Variants in THBS4 observed in about 807,000 individuals in gnomAD.
THBS4 encodes thrombospondin 4.
Under a neutral mutation model 115.7 loss-of-function variants are expected in THBS4, and 90 were observed. The ratio of observed to expected loss-of-function variants is 0.78; its 90% CI spans 0.66 to 0.93. The LOEUF (loss-of-function observed/expected upper bound fraction) is 0.93. Ranked by LOEUF, THBS4 falls within the 40% of genes least tolerant of loss-of-function variation. The pLI is 0.00. For synonymous variants in THBS4, 460 were observed against 479.3 expected (o/e 0.96, Z 0.53); for missense variants, 1,087 against 1,232.7 (o/e 0.88, Z 1.77).
At position 80,068,037 on chromosome 5, in the gene THBS4, C is replaced by T. The variant is rs17882372; in HGVS notation, c.1259C>T (p.Ala420Val). 23,172 of 1,614,128 alleles carry T rather than the reference C, an allele frequency of 0.014. 176 individuals carry two copies. Among genetic ancestry groups the T allele is most frequent in the Non-Finnish European group, 0.018 (20,934 of 1,180,026 alleles). Residue 420 changes from alanine to valine, a missense_variant, in exon 10 of 22, where the codon GCG (alanine) becomes GTG (valine). By Grantham distance (64) the Ala-to-Val change is moderately conservative. This residue lies in a region of THBS4 where 979 missense variants were observed against 1,103.7 expected (regional missense o/e 0.89). Transcript: ENST00000350881. Reference protein sequence around the residue: ...YTGDQIRGCKAERNCRNPELN... With the variant: ...YTGDQIRGCKVERNCRNPELN... ...GGTGATCAGATAAGGGGATGCAAAG[C>T]GGAAAGAAACTGCAGAAACCCAGAG...
intron 1 of THBS4, among the ~76,000 whole-genome samples, chr5:79,992,787 T>C (rs2151146137): frequency 6.6e-6 from 1 of 152,270 alleles, no homozygotes; most frequent in African/African-American, 2.4e-5. Context: ...ATAAGCAAAA[T>C]ACTACAGAAA....
chr5:80,073,758 G>A (rs911907254), intron 15 of THBS4, among the ~76,000 whole-genome samples: 3 of 152,124 alleles, frequency 2.0e-5, no homozygotes, highest in South Asian at 2.1e-4. Context: ...TGAGCTGCTG[G>A]TGGGATAATA....
At chr5:80,070,123 T>TC (rs369899235) in intron 10 of THBS4, among the ~76,000 whole-genome samples, 183 bp from the exon 11 acceptor site, 1 of 151,598 alleles carries the variant, frequency 6.6e-6, no homozygotes, top group Non-Finnish European at 1.5e-5. Context: ...CTTTATATCT[T>TC]TGAATAGTGA....
intron 13 of THBS4, 32 bp downstream of exon 13, chr5:80,071,212 G>A: frequency 6.4e-7 from 1 of 1,554,390 alleles, no homozygotes; most frequent in Non-Finnish European, 8.6e-7. Context: ...CTTTTATTTG[G>A]AATTCAGTTG....
intron 2 of THBS4, among the ~76,000 whole-genome samples, chr5:80,020,660 C>T (rs1832352851): frequency 6.6e-6 from 1 of 152,112 alleles, no homozygotes; most frequent in African/African-American, 2.4e-5. Flanking sequence ...TAGCAGCAGG[C>T]AGCTGAATGA....
chr5:80,060,129 A>G (rs944846216), intron 7 of THBS4, among the ~76,000 whole-genome samples: 1 of 152,136 alleles, frequency 6.6e-6, no homozygotes, highest in Non-Finnish European at 1.5e-5. Flanking sequence ...CAACTCTTCT[A>G]CTGGTCCATT....
intron 9 of THBS4, 33 bp downstream of exon 9, chr5:80,065,510 C>T: frequency 6.3e-7 from 1 of 1,590,216 alleles, no homozygotes; most frequent in Non-Finnish European, 8.6e-7. Flanking sequence ...GTTATCAAAG[C>T]AGAACCGGTT....
At chr5:80,073,389 T>G in intron 15 of THBS4, 62 bp downstream of exon 15, 22 of 1,440,092 alleles carry the variant, frequency 1.5e-5, no homozygotes, top group Non-Finnish European at 2.0e-5. Context: ...GTTTTTGGTT[T>G]GTTTTTTTTT....
In THBS4 at chr5:79,991,415, A is replaced by G. The variant is rs1410568990; in HGVS notation, n.81+3A>G. The G allele has an allele frequency of 5.3e-6, 3 of 566,700 alleles. No homozygotes were observed. In the East Asian group the frequency reaches 9.0e-5, roughly 17 times the overall value. The allele number at this position is 566,700 out of a possible 1,614,324, so 35.1% of individuals were successfully genotyped here. On this transcript the variant is annotated splice_donor_region_variant and intron_variant and non_coding_transcript_variant, in intron 1 of 3. Coordinates refer to the THBS4 transcript ENST00000510218. ...TTAGGAGCAGCTTGGCCTAAAGGGT[A>G]AGAGTTGTGTGCCTTAAGTCAGACC...
chr5:80,057,982 C>A (rs1308319227), intron 3 of THBS4, among the ~76,000 whole-genome samples: 1 of 152,198 alleles, frequency 6.6e-6, no homozygotes, highest in Non-Finnish European at 1.5e-5. Flanking sequence ...GTCTTGGTGA[C>A]AATGCCAGCA....
At chr5:80,017,276 A>AT (rs1048223113) in intron 2 of THBS4, among the ~76,000 whole-genome samples, 4 of 152,182 alleles carry the variant, frequency 2.6e-5, no homozygotes, top group Admixed American at 2.6e-4. Flanking sequence ...TCTGAAAGAA[A>AT]TTTTTTATTT....
At chr5:80,006,119 A>T (rs1268776390) in intron 2 of THBS4, among the ~76,000 whole-genome samples, 3 of 152,156 alleles carry the variant, frequency 2.0e-5, no homozygotes, top group Non-Finnish European at 4.4e-5. Context: ...AAAAGTAAAG[A>T]TTTCCAGAAA....
At chr5:80,003,733 A>T (rs1211697979) in intron 2 of THBS4, among the ~76,000 whole-genome samples, 1 of 152,252 alleles carries the variant, frequency 6.6e-6, no homozygotes, top group Non-Finnish European at 1.5e-5. Flanking sequence ...CGCCAAATTC[A>T]AAATGAAATC....
intron 2 of THBS4, among the ~76,000 whole-genome samples, chr5:80,021,419 TTAA>T (rs929417609): frequency 3.4e-4 from 51 of 152,212 alleles, no homozygotes; most frequent in Middle Eastern, 3.4e-3. Flanking sequence ...TAAAAGTATG[TTAA>T]TAAGTGAAAA....
intron 2 of THBS4, among the ~76,000 whole-genome samples, chr5:80,004,043 A>G (rs996113993): frequency 7.9e-5 from 12 of 152,180 alleles, no homozygotes; most frequent in African/African-American, 2.9e-4. Flanking sequence ...GTGAATGAAG[A>G]TAAAGGGAAC....
In THBS4 at chr5:80,068,013, G is replaced by T; in HGVS notation, c.1235G>T (p.Gly412Val). The T allele has an allele frequency of 1.2e-6, 2 of 1,614,212 alleles. No individual in the cohort carries two copies. Among genetic ancestry groups the T allele is most frequent in the Non-Finnish European group, 8.5e-7 (1 of 1,180,036 alleles). Residue 412 changes from glycine (G) to valine (V), a missense_variant, in exon 10 of 22, where the codon GGT becomes GTT. Around this residue, in one of 3 missense-constraint regions of THBS4, gnomAD observed 979 missense variants for 1,103.7 expected, o/e 0.89. Coordinates refer to ENST00000350881, the MANE Select transcript of THBS4 (RefSeq NM_003248.6). ...RCGPCKPGYT[G>V]DQIRGCKAER... ...GGGCCTTGTAAGCCGGGGTATACTG[G>T]TGATCAGATAAGGGGATGCAAAGCG...
At chr5:80,014,429 C>T (rs1832207943) in intron 2 of THBS4, among the ~76,000 whole-genome samples, 1 of 152,158 alleles carries the variant, frequency 6.6e-6, no homozygotes, top group Non-Finnish European at 1.5e-5. Flanking sequence ...ATCTCTGGAA[C>T]AAGCAGAATA....
chr5:80,070,593 G>A, intron 11 of THBS4, 50 bp from the exon 12 acceptor site: 1 of 1,563,320 alleles, frequency 6.4e-7, no homozygotes, highest in Non-Finnish European at 8.8e-7. Flanking sequence ...AACAGTTACT[G>A]GCTTAACACA....
chr5:80,082,044 A>C (rs993180175), intron 20 of THBS4: 3 of 193,936 alleles, frequency 1.5e-5, no homozygotes, highest in Admixed American at 5.7e-5. Flanking sequence ...AACTCACATG[A>C]CAATAAGACA....
Sources: allele counts gnomAD v4.1 joint callset (sites outside exome capture counted in the v4.1 genomes callset), GRCh38; gene constraint gnomAD v4.1.1; regional missense constraint gnomAD v4.1.1; transcripts MANE v1.5; gene names NCBI Gene and HGNC (gene_info 2026-07-23, HGNC 2026-07-21).